Variants in MYO5B observed in about 807,000 individuals in gnomAD.
MYO5B encodes the protein myosin VB.
A neutral mutation model predicts 229.3 loss-of-function variants in MYO5B; 143 were observed. That is an observed-to-expected ratio of 0.62 (90% CI 0.54 to 0.72). The LOEUF is 0.72. MYO5B is among the 30% of genes least tolerant of loss of function. The probability of loss-of-function intolerance (pLI) is 0.00; values close to 1 mark genes in which losing one functional copy is unlikely to be tolerated. For synonymous variants in MYO5B, 918 were observed against 885.2 expected (o/e 1.04, Z -0.66); for missense variants, 2,321 against 2,331.0 (o/e 1.00, Z 0.09).
At position 49,836,648 on chromosome 18, in the gene MYO5B, A is replaced by C. The variant is rs534067170; in HGVS notation, c.5313+63T>G. ...AACAAATAACCACCAACGAGAACAG[A>C]CTTGGAATGGACTCAGGGCTTCCTT... On this transcript the variant is annotated intron_variant, in intron 38 of 39. Coordinates refer to ENST00000285039, the MANE Select transcript of MYO5B (RefSeq NM_001080467.3). 7.8e-5 allele frequency: 124 copies of C among 1,586,348 alleles called. No homozygotes were observed. In the South Asian group the frequency reaches 1.3e-3, roughly 16 times the overall value.
intron 2 of MYO5B, among the ~76,000 whole-genome samples, chr18:50,048,076 C>T (rs560256345): frequency 2.7e-3 from 156 of 56,938 alleles, no homozygotes; most frequent in Middle Eastern, 7.4e-3. Context: ...TACCCAAAAC[C>T]TTTAAGTATA....
intron 1 of MYO5B, among the ~76,000 whole-genome samples, chr18:50,187,732 G>A (rs948447434): frequency 2.0e-5 from 3 of 152,268 alleles, no homozygotes; most frequent in Non-Finnish European, 4.4e-5. Context: ...GTCCAGGCTA[G>A]TCTCGAACTC....
intron 2 of MYO5B, among the ~76,000 whole-genome samples, chr18:50,052,874 C>A (rs1468181404): frequency 6.6e-6 from 1 of 152,146 alleles, no homozygotes; most frequent in Non-Finnish European, 1.5e-5. Context: ...AAGGTCCTAT[C>A]ATAAGTCAGA....
chr18:49,904,863 G>C (rs766312611), intron 19 of MYO5B, 35 bp from the exon 20 acceptor site: 29 of 1,609,692 alleles, frequency 1.8e-5, no homozygotes, highest in Non-Finnish European at 2.2e-5. Flanking sequence ...GTGTCAGGGA[G>C]AGAGTATTGA....
At chr18:49,866,434 C>T (rs760844055) in intron 27 of MYO5B, among the ~76,000 whole-genome samples, 2 of 152,192 alleles carry the variant, frequency 1.3e-5, no homozygotes, top group South Asian at 2.1e-4. Context: ...TGCAACCATC[C>T]CCACCATCCA....
chr18:50,172,714 C>T (rs757281703), intron 1 of MYO5B, among the ~76,000 whole-genome samples: 41 of 152,340 alleles, frequency 2.7e-4, no homozygotes, highest in Non-Finnish European at 5.7e-4. Flanking sequence ...AGGACAAGTG[C>T]TGCTCTCCTC....
intron 1 of MYO5B, among the ~76,000 whole-genome samples, chr18:50,183,311 A>ATATATATATATATATATATC (rs1399040595): frequency 1.4e-3 from 47 of 33,976 alleles, no homozygotes; most frequent in African/African-American, 3.9e-3. Flanking sequence ...TTTATCATAT[A>ATATATATATATATATATATC]TATATATATA....
At chr18:50,109,426 CTTT>C (rs901383493) in intron 1 of MYO5B, among the ~76,000 whole-genome samples, 13 of 130,564 alleles carry the variant, frequency 1.0e-4, no homozygotes, top group Admixed American at 2.3e-4. Flanking sequence ...CATGATTTTT[CTTT>C]TTTTTTTTTT....
intron 1 of MYO5B, among the ~76,000 whole-genome samples, chr18:50,121,809 T>G (rs2032061844): frequency 6.6e-6 from 1 of 152,248 alleles, no homozygotes; most frequent in South Asian, 2.1e-4. Flanking sequence ...CCTCCAGCAA[T>G]GTAGGTCCTG....
At chr18:50,029,603 C>G (rs553540817) in intron 4 of MYO5B, among the ~76,000 whole-genome samples, 10 of 152,330 alleles carry the variant, frequency 6.6e-5, no homozygotes, top group African/African-American at 2.4e-4. Context: ...CCACCATTCA[C>G]TGTACTCAAC....
chr18:50,006,490 T>C (rs548334411), intron 4 of MYO5B, among the ~76,000 whole-genome samples: 28 of 152,002 alleles, frequency 1.8e-4, no homozygotes, highest in African/African-American at 6.3e-4. Context: ...CAGACAAGAG[T>C]ACAGGAGCCT....
intron 5 of MYO5B, among the ~76,000 whole-genome samples, chr18:49,993,884 C>T (rs1188571142): frequency 6.6e-6 from 1 of 152,202 alleles, no homozygotes; most frequent in Admixed American, 6.5e-5. Flanking sequence ...TGAGATACAA[C>T]TTTCAAATCC....
intron 17 of MYO5B, among the ~76,000 whole-genome samples, chr18:49,913,734 G>T (rs576355640): frequency 2.2e-4 from 33 of 152,152 alleles, no homozygotes; most frequent in Non-Finnish European, 4.1e-4. Context: ...CAACCAAAAA[G>T]TTGCCTTTTG....
intron 22 of MYO5B, among the ~76,000 whole-genome samples, chr18:49,887,460 T>C (rs2024656662): frequency 6.6e-6 from 1 of 152,104 alleles, no homozygotes; most frequent in Non-Finnish European, 1.5e-5. Flanking sequence ...AAGTTCTCAC[T>C]GAGTTCACGT....
chr18:49,993,525 G>A (rs537183786), intron 5 of MYO5B, among the ~76,000 whole-genome samples: 8 of 152,194 alleles, frequency 5.3e-5, no homozygotes, highest in African/African-American at 1.9e-4. Context: ...TGAGTACAGG[G>A]AGGCGCTGAG....
At chr18:50,120,351 C>A (rs919894428) in intron 1 of MYO5B, among the ~76,000 whole-genome samples, 20 of 152,202 alleles carry the variant, frequency 1.3e-4, no homozygotes, top group Non-Finnish European at 2.8e-4. Context: ...TCTTCTGAAC[C>A]CCTTGCCTGA....
intron 18 of MYO5B, among the ~76,000 whole-genome samples, chr18:49,907,796 G>A (rs961893990): frequency 6.6e-6 from 1 of 152,266 alleles, no homozygotes; most frequent in African/African-American, 2.4e-5. Context: ...CACTGACTGA[G>A]TCCCCGGCCT....
At chr18:49,947,872 G>A (rs1012024465) in intron 14 of MYO5B, among the ~76,000 whole-genome samples, 1 of 152,108 alleles carries the variant, frequency 6.6e-6, no homozygotes, top group African/African-American at 2.4e-5. Flanking sequence ...ACTTTGTAAA[G>A]GCCATTTGGC....
At chr18:50,139,170 T>A (rs1269173510) in intron 1 of MYO5B, among the ~76,000 whole-genome samples, 1 of 152,196 alleles carries the variant, frequency 6.6e-6, no homozygotes, top group African/African-American at 2.4e-5. Flanking sequence ...TGTGTTCCCA[T>A]CATCTCATTT....
Sources: gnomAD v4.1 joint callset for allele counts (sites outside exome capture counted in the v4.1 genomes callset) on GRCh38, gnomAD v4.1.1 for gene constraint, MANE v1.5 for transcripts, NCBI Gene and HGNC (gene_info 2026-07-23, HGNC 2026-07-21) for gene names.